The following PLEKHA2 variants were observed in gnomAD, a reference collection of about 807,000 sequenced individuals.
The protein encoded by PLEKHA2 is pleckstrin homology domain-containing family A member 2.
Under a neutral mutation model 53.2 loss-of-function variants are expected in PLEKHA2, and 28 were observed. That is an observed-to-expected ratio of 0.53 (90% CI 0.39 to 0.72). The LOEUF is 0.72. Among genes scored for constraint, PLEKHA2 ranks in the 30% least tolerant of loss-of-function variants. The probability of loss-of-function intolerance (pLI) is 0.00; values close to 1 mark genes in which losing one functional copy is unlikely to be tolerated. For missense variants in PLEKHA2, 426 were observed against 537.9 expected, an observed-to-expected ratio of 0.79 and a Z score of 2.06; for synonymous variants, 193 against 196.4, an observed-to-expected ratio of 0.98 and a Z score of 0.14.
chr8:38,920,301 C>A (rs1217358803), intron 2 of PLEKHA2, among the ~76,000 whole-genome samples: 2 of 152,156 alleles, frequency 1.3e-5, no homozygotes, highest in East Asian at 3.9e-4. Context: ...CAGGCACCCG[C>A]CACCACGCCC....
chr8:38,951,803 C>T lies in PLEKHA2; in HGVS notation c.487-363C>T, dbSNP rs1483397609. On this transcript the variant is annotated intron_variant, in intron 6 of 11. Transcript: ENST00000617275. ...CTCACTTCAGTGTCAGACTCCTGGG[C>T]TGAAGCCATCCTCCAACCTCTGCTT... is the stretch of plus-strand genomic sequence containing the variant. Among the ~76,000 whole-genome samples the T allele has an allele frequency of 3.3e-5, 5 of 152,174 alleles. 1 individual carries two copies. The highest frequency in any genetic ancestry group is 3.3e-4 in the Admixed American group (5 of 15,264).
chr8:38,939,644 C>T (rs1335048837), intron 3 of PLEKHA2, among the ~76,000 whole-genome samples: 4 of 152,216 alleles, frequency 2.6e-5, no homozygotes, highest in East Asian at 1.9e-4. Flanking sequence ...GTGGTCAAAA[C>T]GAGCATTTGT....
In PLEKHA2 at chr8:38,946,161, C is replaced by T; in HGVS notation, c.285C>T (p.Ala95=). 1 of 1,608,924 alleles carries T rather than the reference C, an allele frequency of 6.2e-7. No individual in the cohort carries two copies. Among genetic ancestry groups the T allele is most frequent in the Non-Finnish European group, 8.5e-7 (1 of 1,177,530 alleles). ...NALSQRYFLQ[A]NDQKDMKDWV... ...TGTCTCAGAGATATTTCCTTCAAGCCAATGATCAGAAAGATATGAAGGACT... is the reference window on the plus strand; with the variant it reads ...TGTCTCAGAGATATTTCCTTCAAGCTAATGATCAGAAAGATATGAAGGACT... Residue 95 remains alanine (A), a synonymous_variant, in exon 5 of 12, where the codon GCC becomes GCT. Transcript: ENST00000617275.
intron 3 of PLEKHA2, among the ~76,000 whole-genome samples, chr8:38,939,078 A>G (rs1241334416): frequency 1.3e-5 from 2 of 151,522 alleles, no homozygotes; most frequent in East Asian, 3.9e-4. Context: ...TAATTTTTGT[A>G]TTTTTAGTAG....
chr8:38,969,006 C>A (rs549431360), intron 11 of PLEKHA2: 8 of 313,272 alleles, frequency 2.6e-5, no homozygotes, highest in African/African-American at 1.6e-4. Context: ...TCAAGTGATT[C>A]TCCTGCCTCA....
intron 2 of PLEKHA2, among the ~76,000 whole-genome samples, chr8:38,920,784 G>A (rs879797745): frequency 2.6e-5 from 4 of 151,458 alleles, no homozygotes; most frequent in Non-Finnish European, 4.4e-5. Flanking sequence ...GGCTGGTCTC[G>A]AACTCCTGGT....
intron 10 of PLEKHA2, 79 bp from the exon 11 acceptor site, chr8:38,968,513 C>T: frequency 2.2e-6 from 3 of 1,388,630 alleles, no homozygotes; most frequent in South Asian, 1.2e-5. Context: ...ATTTTATAAA[C>T]TTAATATTGA....
Position 38,971,729 on chromosome 8 carries a change from G to A in PLEKHA2, c.*1946G>A, listed in dbSNP as rs984910560. ...CCAGCACTTTGGGAGGCCGAGGCGA[G>A]CGGATCACGAGGTCAGGAGATCGAG... On this transcript the variant is annotated 3_prime_UTR_variant, in exon 12 of 12. Coordinates refer to ENST00000617275, the MANE Select transcript of PLEKHA2 (RefSeq NM_021623.2). The A allele has an allele frequency of 1.3e-5, 2 of 152,204 alleles. No homozygotes were observed. The highest frequency in any genetic ancestry group is 4.8e-5 in the African/African-American group (2 of 41,434). The allele number at this position is 152,204 out of a possible 1,614,324, so 9.4% of individuals were successfully genotyped here.
At position 38,952,570 on chromosome 8, in the gene PLEKHA2, T is replaced by C. The variant is rs879065103; in HGVS notation, c.634-66T>C. 4.2e-5 allele frequency: 64 copies of C among 1,523,962 alleles called. No homozygotes were observed. The South Asian group carries it at 6.4e-4, about 15-fold the overall frequency. 94.4% of individuals were successfully genotyped at this position (1,523,962 alleles called of 1,614,324 possible). On this transcript the variant is annotated intron_variant, in intron 7 of 11. Transcript: ENST00000617275. ...GGGCTGGGTCCTTGGGAGCTTAGCA[T>C]GAGTACACCCTCCACAATGCTGGGC...
intron 1 of PLEKHA2, among the ~76,000 whole-genome samples, chr8:38,904,179 A>G (rs1372327211): frequency 6.6e-6 from 1 of 151,844 alleles, no homozygotes; most frequent in East Asian, 1.9e-4. Context: ...GTGTAGTGAG[A>G]CCCTACTGTT....
At chr8:38,919,103 G>C (rs1372313854) in intron 2 of PLEKHA2, among the ~76,000 whole-genome samples, 1 of 152,228 alleles carries the variant, frequency 6.6e-6, no homozygotes, top group Non-Finnish European at 1.5e-5. Flanking sequence ...CCTGACTCAG[G>C]AAGTCCTAGA....
chr8:38,961,216 T>C (rs1244430829), intron 10 of PLEKHA2, among the ~76,000 whole-genome samples: 1 of 152,168 alleles, frequency 6.6e-6, no homozygotes, highest in African/African-American at 2.4e-5. Flanking sequence ...ACTGACAGTT[T>C]GTATGTCAGT....
At chr8:38,932,644 C>T (rs1220178432) in intron 2 of PLEKHA2, among the ~76,000 whole-genome samples, 4 of 152,160 alleles carry the variant, frequency 2.6e-5, no homozygotes, top group African/African-American at 4.8e-5. Flanking sequence ...CTAGGGCTGC[C>T]GATGTGTCAC....
At chr8:38,905,778 A>G (rs1399325248) in intron 1 of PLEKHA2, among the ~76,000 whole-genome samples, 1 of 148,760 alleles carries the variant, frequency 6.7e-6, no homozygotes, top group African/African-American at 2.5e-5. Context: ...TCCACCTCAC[A>G]GGTTCAAGCA....
chr8:38,952,221 G>T lies in PLEKHA2; in HGVS notation c.542G>T (p.Arg181Met). 6.2e-7 allele frequency: 1 copy of T among 1,613,188 alleles called. No homozygotes were observed. Among genetic ancestry groups the T allele is most frequent in the Non-Finnish European group, 8.5e-7 (1 of 1,179,656 alleles). ...SEPGSHTILR[R>M]SQSYIPTSGC... The stretch of plus-strand genomic sequence containing the variant: ...CCCGGGTCCCACACCATCCTTCGAA[G>T]GTCTCAGAGTTACATCCCCACGTCA... Residue 181 changes from arginine (R) to methionine (M), a missense_variant, in exon 7 of 12, where the codon AGG becomes ATG. By Grantham distance (91) the Arg-to-Met change is moderately conservative (BLOSUM62 -1). Coordinates refer to ENST00000617275, the MANE Select transcript of PLEKHA2 (RefSeq NM_021623.2).
intron 1 of PLEKHA2, among the ~76,000 whole-genome samples, chr8:38,917,062 G>T (rs367735286): frequency 6.6e-6 from 1 of 152,128 alleles, no homozygotes; most frequent in Non-Finnish European, 1.5e-5. Context: ...TTTGCCACTC[G>T]TATGTGTTTT....
chr8:38,966,837 G>T (rs1175239896), intron 10 of PLEKHA2, among the ~76,000 whole-genome samples: 4 of 151,760 alleles, frequency 2.6e-5, no homozygotes, highest in Admixed American at 1.3e-4. Context: ...GTGCGGTTTT[G>T]TTACATGAAT....
intron 2 of PLEKHA2, among the ~76,000 whole-genome samples, chr8:38,920,401 A>G (rs1293906200): frequency 8.6e-5 from 13 of 151,538 alleles, no homozygotes; most frequent in Non-Finnish European, 1.2e-4. Context: ...TTATCTGCCC[A>G]CCTTGGCCTC....
chr8:38,940,191 A>G (rs1045602449), intron 3 of PLEKHA2, among the ~76,000 whole-genome samples: 1 of 151,796 alleles, frequency 6.6e-6, no homozygotes, highest in Non-Finnish European at 1.5e-5. Context: ...TGAGGTCAGG[A>G]GTTCCAGACC....
Sources: allele counts gnomAD v4.1 joint callset (sites outside exome capture counted in the v4.1 genomes callset), GRCh38; gene constraint gnomAD v4.1.1; transcripts MANE v1.5; gene names NCBI Gene and HGNC (gene_info 2026-07-23, HGNC 2026-07-21).